ME3: variants seen among roughly 807,000 people sequenced by gnomAD.
ME3 encodes NADP-dependent malic enzyme, mitochondrial.
Under a neutral mutation model 68.9 loss-of-function variants are expected in ME3, and 48 were observed. The ratio of observed to expected loss-of-function variants is 0.70; its 90% CI spans 0.55 to 0.89. The LOEUF (loss-of-function observed/expected upper bound fraction) is 0.89, where lower values mean the gene tolerates loss of function less well. Among genes scored for constraint, ME3 ranks in the 40% least tolerant of loss-of-function variants. The pLI, the probability that ME3 is intolerant of heterozygous loss-of-function variation, is 0.00. For missense variants in ME3, 675 were observed against 797.4 expected (o/e 0.85, Z 1.85); for synonymous variants, 320 against 318.8 (o/e 1.00, Z -0.04).
intron 2 of ME3, among the ~76,000 whole-genome samples, chr11:86,612,317 G>A (rs1454979307): frequency 6.6e-6 from 1 of 152,188 alleles, no homozygotes; most frequent in African/African-American, 2.4e-5. Context: ...TATCATTGAT[G>A]ACCATTTGGG....
chr11:86,482,694 C>T (rs1404878151), intron 7 of ME3, among the ~76,000 whole-genome samples: 1 of 151,642 alleles, frequency 6.6e-6, no homozygotes, highest in Non-Finnish European at 1.5e-5. Context: ...CTCTTGTGTT[C>T]TTAGGAGCCC....
At chr11:86,601,178 A>G (rs923157169) in intron 2 of ME3, among the ~76,000 whole-genome samples, 3 of 151,770 alleles carry the variant, frequency 2.0e-5, no homozygotes, top group Non-Finnish European at 3.0e-5. Context: ...GTTTTTTGAA[A>G]GGATCAACAA....
At chr11:86,626,027 A>T (rs1594712519) in intron 2 of ME3, among the ~76,000 whole-genome samples, 2 of 152,350 alleles carry the variant, frequency 1.3e-5, no homozygotes, top group East Asian at 3.9e-4. Flanking sequence ...ATAGTAAATG[A>T]TATGGAGAAA....
At chr11:86,662,774 C>T (rs1271078891) in intron 2 of ME3, among the ~76,000 whole-genome samples, 2 of 152,172 alleles carry the variant, frequency 1.3e-5, no homozygotes, top group African/African-American at 4.8e-5. Flanking sequence ...CCCTCCATAA[C>T]GTTACCAAAG....
chr11:86,647,037 A>G (rs186231210), intron 2 of ME3, among the ~76,000 whole-genome samples: 12 of 152,314 alleles, frequency 7.9e-5, no homozygotes, highest in Admixed American at 7.2e-4. Flanking sequence ...GCCTTACAAG[A>G]GCTCCTGAAG....
intron 2 of ME3, 87 bp from the exon 3 acceptor site, chr11:86,559,910 A>G: frequency 1.4e-6 from 2 of 1,454,834 alleles, no homozygotes; most frequent in Admixed American, 2.0e-5. Context: ...CAGATAGGTA[A>G]AAGTCAGTGT....
At position 86,649,749 on chromosome 11, in the gene ME3, A is replaced by G. The variant is rs964837230; in HGVS notation, c.183+22013T>C. On this transcript the variant is annotated intron_variant, in intron 2 of 14. Transcript: ENST00000543262. ...AATAAAATACCTAGGAATACAACTTACAAGGATGTGAAGGACTCCTTCAAG... is the reference window on the plus strand; with the variant it reads ...AATAAAATACCTAGGAATACAACTTGCAAGGATGTGAAGGACTCCTTCAAG... Among the ~76,000 whole-genome samples the G allele has an allele frequency of 1.6e-4, 25 of 152,336 alleles. 1 individual carries two copies. In the South Asian group the frequency reaches 2.7e-3, roughly 16 times the overall value.
chr11:86,516,200 A>C (rs1385726986), intron 4 of ME3, among the ~76,000 whole-genome samples: 1 of 152,218 alleles, frequency 6.6e-6, no homozygotes, highest in Non-Finnish European at 1.5e-5. Flanking sequence ...TTTCCTGTTT[A>C]CTTCAGGGAA....
intron 8 of ME3, among the ~76,000 whole-genome samples, chr11:86,452,652 G>T (rs1385009613): frequency 6.6e-6 from 1 of 152,166 alleles, no homozygotes. Context: ...AACAAGGAAT[G>T]TAGCAGCCAG....
At chr11:86,535,207 T>C (rs1047376630) in intron 4 of ME3, among the ~76,000 whole-genome samples, 1 of 152,222 alleles carries the variant, frequency 6.6e-6, no homozygotes, top group Non-Finnish European at 1.5e-5. Flanking sequence ...TCCTTACTAC[T>C]TCTTACCTCC....
intron 2 of ME3, among the ~76,000 whole-genome samples, chr11:86,649,453 G>C (rs1445763686): frequency 6.6e-6 from 1 of 152,188 alleles, no homozygotes; most frequent in African/African-American, 2.4e-5. Context: ...AATATTGACA[G>C]TTCTGGCCAG....
intron 2 of ME3, among the ~76,000 whole-genome samples, chr11:86,564,260 G>A (rs1957371322): frequency 6.6e-6 from 1 of 151,860 alleles, no homozygotes; most frequent in Admixed American, 6.6e-5. Flanking sequence ...TCCCATTTAA[G>A]GTTTGTTTCT....
chr11:86,563,828 A>G (rs1383915961), intron 2 of ME3, among the ~76,000 whole-genome samples: 1 of 152,162 alleles, frequency 6.6e-6, no homozygotes, highest in Non-Finnish European at 1.5e-5. Flanking sequence ...TTGTATCAGT[A>G]CCATGCTGTT....
chr11:86,550,103 T>C (rs924745951), intron 4 of ME3, among the ~76,000 whole-genome samples: 1 of 152,172 alleles, frequency 6.6e-6, no homozygotes, highest in African/African-American at 2.4e-5. Context: ...ATGCCTGGGC[T>C]CCACTTCAGG....
Position 86,466,085 on chromosome 11 carries a change from G to A in ME3, c.810-885C>T, listed in dbSNP as rs79822465. ...CCTTCCCTTAAAAATGACTGAGTTT[G>A]TTCGAGTTTTGTAACCTATTTTTCC... On this transcript the variant is annotated intron_variant, in intron 7 of 14. Coordinates refer to ENST00000543262, the Ensembl canonical transcript of ME3. 1.5e-3 allele frequency among the ~76,000 whole-genome samples: 224 copies of A among 152,212 alleles called. 1 individual carries two copies. Among genetic ancestry groups the A allele is most frequent in the Middle Eastern group, 0.014 (4 of 294 alleles).
At chr11:86,490,260 G>A (rs1158237434) in intron 6 of ME3, among the ~76,000 whole-genome samples, 1 of 152,114 alleles carries the variant, frequency 6.6e-6, no homozygotes, top group Non-Finnish European at 1.5e-5. Flanking sequence ...GATACCACAG[G>A]TTTACATTTA....
intron 4 of ME3, among the ~76,000 whole-genome samples, chr11:86,541,703 G>T (rs1286646404): frequency 6.6e-6 from 1 of 152,156 alleles, no homozygotes; most frequent in Admixed American, 6.5e-5. Context: ...TCAGGGAAGG[G>T]GCAGCTTTGG....
At chr11:86,437,481 C>T (rs1159031137), downstream of ME3, among the ~76,000 whole-genome samples, 1 of 152,046 alleles carries the variant, frequency 6.6e-6, no homozygotes, top group African/African-American at 2.4e-5. Context: ...ATTTTAGAAT[C>T]AGCCTGTAAG....
At chr11:86,530,444 A>G (rs186514413) in intron 4 of ME3, among the ~76,000 whole-genome samples, 10,908 of 152,262 alleles carry the variant, frequency 0.072, 465 homozygotes, top group Non-Finnish European at 0.1. Flanking sequence ...TATACATTCA[A>G]TGCCATCCCC....
Sources: allele counts gnomAD v4.1 joint callset (sites outside exome capture counted in the v4.1 genomes callset), GRCh38; gene constraint gnomAD v4.1.1; transcripts MANE v1.5; gene names NCBI Gene and HGNC (gene_info 2026-07-23, HGNC 2026-07-21).